Variants in EPYC observed in about 807,000 individuals in gnomAD.
The protein encoded by EPYC is epiphycan, also known as dermatan sulfate proteoglycan 3.
A neutral mutation model predicts 30.1 loss-of-function variants in EPYC; 28 were observed. The ratio of observed to expected loss-of-function variants is 0.93; its 90% CI spans 0.69 to 1.28. The LOEUF is 1.28. Ranked by LOEUF, EPYC falls within the 50% of genes most tolerant of loss-of-function variation. The pLI, the probability that EPYC is intolerant of heterozygous loss-of-function variation, is 0.00. For synonymous variants in EPYC, 144 were observed against 141.4 expected, an observed-to-expected ratio of 1.02 and a Z score of -0.13; for missense variants, 382 against 383.5, an observed-to-expected ratio of 1.00 and a Z score of 0.03.
intron 6 of EPYC, 22 bp from the exon 7 acceptor site, chr12:90,964,348 T>C (rs2120786214): frequency 1.3e-6 from 2 of 1,549,048 alleles, no homozygotes; most frequent in South Asian, 2.3e-5. Context: ...GAAAATAAAT[T>C]ATGACAAGAT....
In EPYC at chr12:90,966,500, T is replaced by G. The variant is rs191635469; in HGVS notation, c.799-2174A>C. Among the ~76,000 whole-genome samples the G allele has an allele frequency of 3.0e-4, 46 of 152,224 alleles. 1 individual carries two copies. In the East Asian group the frequency reaches 7.5e-3, roughly 25 times the overall value. ...TCTGCAATCCCATTTGGTCGTGATGTGTAATCTTTTCTATATGTTGGTGAA... is the reference window on the plus strand; with the variant it reads ...TCTGCAATCCCATTTGGTCGTGATGGGTAATCTTTTCTATATGTTGGTGAA... On this transcript the variant is annotated intron_variant, in intron 6 of 6. Coordinates refer to ENST00000261172, the MANE Select transcript of EPYC (RefSeq NM_004950.5).
chr12:90,978,208 G>A lies in EPYC; in HGVS notation c.220C>T (p.Pro74Ser). 1 of 1,605,862 alleles carries A rather than the reference G, an allele frequency of 6.2e-7. No individual in the cohort carries two copies. Among genetic ancestry groups the A allele is most frequent in the African/African-American group, 1.4e-5 (1 of 74,064 alleles). The change falls in exon 3 of 7, where the codon CCA becomes TCA. Residue 74 changes from proline (P) to serine (S), a missense_variant. By Grantham distance (74) the Pro-to-Ser change is moderately conservative. Coordinates refer to ENST00000261172, the MANE Select transcript of EPYC (RefSeq NM_004950.5). Reference protein sequence around the residue: ...SGNRELLTPPPQPEKAQEEEE... With the variant: ...SGNRELLTPPSQPEKAQEEEE... ...TCTTCCTGGGCCTTCTCAGGCTGTG[G>A]GGGTGGAGTGAGGAGCTCTCTGTTC...
chr12:90,966,094 C>G (rs190518181), intron 6 of EPYC, among the ~76,000 whole-genome samples: 35 of 151,994 alleles, frequency 2.3e-4, no homozygotes, highest in Non-Finnish European at 4.6e-4. Context: ...GACCTTATTT[C>G]CAATTTGGAA....
intron 6 of EPYC, among the ~76,000 whole-genome samples, chr12:90,968,717 A>G (rs958807405): frequency 6.6e-6 from 1 of 152,124 alleles, no homozygotes; most frequent in African/African-American, 2.4e-5. Flanking sequence ...AACATCAAAG[A>G]CTTGTTTTAT....
chr12:90,977,514 C>A (rs1254470621), intron 3 of EPYC, among the ~76,000 whole-genome samples: 1 of 152,104 alleles, frequency 6.6e-6, no homozygotes, highest in African/African-American at 2.4e-5. Flanking sequence ...AGGCTGGCTT[C>A]AAACCTGCTA....
At chr12:90,990,949 A>G (rs1877570151) in intron 2 of EPYC, among the ~76,000 whole-genome samples, 1 of 152,098 alleles carries the variant, frequency 6.6e-6, no homozygotes, top group Non-Finnish European at 1.5e-5. Flanking sequence ...TTACAGATTC[A>G]GTGTAGTTAT....
chr12:90,984,588 G>A (rs1320094005), intron 2 of EPYC, among the ~76,000 whole-genome samples: 1 of 152,120 alleles, frequency 6.6e-6, no homozygotes, highest in African/African-American at 2.4e-5. Context: ...TTCTGTAAGA[G>A]GGAAGGCAAA....
chr12:90,986,173 C>A (rs570341406), intron 2 of EPYC, among the ~76,000 whole-genome samples: 1 of 151,902 alleles, frequency 6.6e-6, no homozygotes, highest in Non-Finnish European at 1.5e-5. Flanking sequence ...AAGGAATCAA[C>A]CCTGAAGTCT....
chr12:90,991,072 T>C (rs1443802344), intron 2 of EPYC, among the ~76,000 whole-genome samples: 2 of 152,168 alleles, frequency 1.3e-5, no homozygotes, highest in East Asian at 1.9e-4. Context: ...GAAAAAAAGA[T>C]TTTATCCAGT....
intron 4 of EPYC, 117 bp downstream of exon 4, chr12:90,972,705 T>A: frequency 2.2e-6 from 2 of 906,138 alleles, no homozygotes; most frequent in Non-Finnish European, 3.2e-6. Context: ...AAAAAACTAT[T>A]GATTCATGAA....
intron 1 of EPYC, among the ~76,000 whole-genome samples, chr12:91,003,135 T>G (rs1014721390): frequency 6.6e-6 from 1 of 152,142 alleles, no homozygotes; most frequent in African/African-American, 2.4e-5. Context: ...CATAACTGTT[T>G]CTTGTACATT....
intron 1 of EPYC, 22 bp downstream of exon 1, chr12:91,004,925 G>T (rs1877917781): frequency 6.6e-6 from 1 of 151,740 alleles, no homozygotes; most frequent in African/African-American, 2.4e-5. Context: ...GACCCAAGAA[G>T]AAAGCAAGTA....
In EPYC at chr12:90,978,175, C is replaced by T; in HGVS notation, c.253G>A (p.Glu85Lys). Residue 85 changes from glutamate to lysine, a missense_variant, in exon 3 of 7, where the codon GAG (glutamate) becomes AAG (lysine). Transcript: ENST00000261172. ...QPEKAQEEEE[E>K]EESTPRLIDG... ...ATCAGCCTGGGAGTAGATTCCTCCT[C>T]CTCTTCCTCTTCCTGGGCCTTCTCA... The T allele has an allele frequency of 6.2e-7, 1 of 1,607,204 alleles. No homozygotes were observed. Among genetic ancestry groups the T allele is most frequent in the Non-Finnish European group, 8.5e-7 (1 of 1,176,912 alleles).
At chr12:90,983,504 T>C (rs1386658684) in intron 2 of EPYC, among the ~76,000 whole-genome samples, 2 of 152,094 alleles carry the variant, frequency 1.3e-5, no homozygotes, top group African/African-American at 4.8e-5. Context: ...AGAGCGTTGG[T>C]TTGCTTGAAA....
intron 2 of EPYC, among the ~76,000 whole-genome samples, chr12:90,989,632 A>G (rs193002342): frequency 2.2e-4 from 33 of 152,166 alleles, no homozygotes; most frequent in African/African-American, 7.9e-4. Flanking sequence ...CAAAGAAATA[A>G]GAGCTGATTT....
At chr12:90,969,180 T>C (rs542236763) in intron 6 of EPYC, among the ~76,000 whole-genome samples, 2 of 151,982 alleles carry the variant, frequency 1.3e-5, no homozygotes, top group South Asian at 2.1e-4. Context: ...AGCTCTTAAA[T>C]AGCAAAATCA....
At chr12:90,971,227 A>G (rs965961776) in intron 5 of EPYC, among the ~76,000 whole-genome samples, 2 of 152,134 alleles carry the variant, frequency 1.3e-5, no homozygotes, top group Admixed American at 6.5e-5. Context: ...ATGGTGCTTC[A>G]GGTAGCCACC....
Position 90,971,890 on chromosome 12 carries a change from C to T in EPYC, c.612G>A (p.Arg204=). ...AAGTGGTTGGCAATTCTGGGAGCTG[C>T]CTTATTTTGTTGTCACGCAGGACAA... ...RELVLRDNKI[R]QLPELPTTLT... is the part of the protein sequence containing the mutation. Residue 204 remains arginine, a synonymous_variant, in exon 5 of 7, where the codon AGG becomes AGA. Transcript: ENST00000261172. 6.2e-7 allele frequency: 1 copy of T among 1,612,084 alleles called. No individual in the cohort carries two copies. Among genetic ancestry groups the T allele is most frequent in the Non-Finnish European group, 8.5e-7 (1 of 1,179,174 alleles).
At chr12:90,965,676 G>A (rs1876876779) in intron 6 of EPYC, among the ~76,000 whole-genome samples, 1 of 151,986 alleles carries the variant, frequency 6.6e-6, no homozygotes, top group Admixed American at 6.6e-5. Context: ...AAATACTTTA[G>A]TGGATTCCTT....
Sources: gnomAD v4.1 joint callset for allele counts (sites outside exome capture counted in the v4.1 genomes callset) on GRCh38, gnomAD v4.1.1 for gene constraint, MANE v1.5 for transcripts, NCBI Gene and HGNC (gene_info 2026-07-23, HGNC 2026-07-21) for gene names.